Variants in NLRP2 observed in about 807,000 individuals in gnomAD.
NLRP2 encodes the protein NACHT, LRR and PYD domains-containing protein 2.
Under a neutral mutation model 97.2 loss-of-function variants are expected in NLRP2, and 107 were observed. The observed-to-expected ratio is 1.10, with a 90% CI of 0.94 to 1.29. NLRP2 has a LOEUF of 1.29. NLRP2 is among the 50% of genes most tolerant of loss of function. NLRP2 has a pLI of 0.00. For missense variants in NLRP2, 1,495 were observed against 1,330.3 expected, an observed-to-expected ratio of 1.12 and a Z score of -1.93; for synonymous variants, 663 against 551.5, an observed-to-expected ratio of 1.20 and a Z score of -2.83.
chr19:55,000,103 A>G (rs1484675253), intron 12 of NLRP2, among the ~76,000 whole-genome samples: 1 of 151,214 alleles, frequency 6.6e-6, no homozygotes, highest in East Asian at 2.0e-4. Flanking sequence ...ACATGGTAAA[A>G]CCCCAACTCT....
At chr19:54,993,610 C>T (rs770464902) in intron 10 of NLRP2, 17 of 159,288 alleles carry the variant, frequency 1.1e-4, no homozygotes, top group African/African-American at 2.7e-4. Context: ...TTAGGGAGGC[C>T]AGGGTGGGCA....
Position 55,001,086 on chromosome 19 carries a change from A to G in NLRP2, c.*188A>G, listed in dbSNP as rs1255060487. On this transcript the variant is annotated 3_prime_UTR_variant, in exon 13 of 13. Coordinates refer to ENST00000448584, the MANE Select transcript of NLRP2 (RefSeq NM_017852.5). ...ACATCCTTATCTTTGTTACATATGA[A>G]ATATCTGTATCACGGGTATATTGAG... is the stretch of plus-strand genomic sequence containing the variant. 1 of 582,348 alleles carries G rather than the reference A, an allele frequency of 1.7e-6. No homozygotes were observed. Among genetic ancestry groups the G allele is most frequent in the South Asian group, 2.0e-5 (1 of 49,576 alleles). 36.1% of individuals were successfully genotyped at this position (582,348 alleles called of 1,614,324 possible).
At chr19:55,000,396 C>T (rs2073114836) in intron 12 of NLRP2, among the ~76,000 whole-genome samples, 2 of 145,998 alleles carry the variant, frequency 1.4e-5, no homozygotes, top group Non-Finnish European at 3.0e-5. Flanking sequence ...CCTGCCTCAG[C>T]CTCCTGAGTA....
chr19:54,988,624 C>T (rs2072253477), intron 8 of NLRP2, among the ~76,000 whole-genome samples: 1 of 152,056 alleles, frequency 6.6e-6, no homozygotes, highest in South Asian at 2.1e-4. Context: ...AACTCCTGAC[C>T]TCAAGTGACA....
rs190845919 is a variant in NLRP2 at position 54,977,606 on chromosome 19, T to C, written c.326-146T>C. ...CCTGGGATCATGGCCTAATGTACTT[T>C]CACTTTTACATCCAGTACCTTATCA... On this transcript the variant is annotated intron_variant, in intron 3 of 12. Transcript: ENST00000448584. The C allele has an allele frequency of 5.4e-3, 4,295 of 792,694 alleles. 34 individuals carry two copies. Among genetic ancestry groups the C allele is most frequent in the South Asian group, 0.01 (749 of 72,756 alleles). The allele number at this position is 792,694 out of a possible 1,614,324, so 49.1% of individuals were successfully genotyped here.
At position 54,977,759 on chromosome 19, in the gene NLRP2, A is replaced by C; in HGVS notation, c.333A>C (p.Thr111=). The C allele has an allele frequency of 1.2e-6, 2 of 1,613,798 alleles. No homozygotes were observed. The highest frequency in any genetic ancestry group is 4.5e-5 in the East Asian group (2 of 44,866). Residue 111 remains threonine (T), a synonymous_variant, in exon 4 of 13, where the codon ACA becomes ACC. Transcript: ENST00000448584. The part of the protein sequence containing the change: ...NKRKPLSLGI[T]RKERPPLDVD... ...GCCGCCCTTTTTCTCCAGGGATAAC[A>C]CGGAAAGAACGACCACCTCTAGACG...
At chr19:54,969,869 C>CT (rs1316351658) in intron 1 of NLRP2, 130 bp from the exon 2 acceptor site, 15 of 889,090 alleles carry the variant, frequency 1.7e-5, no homozygotes, top group African/African-American at 3.3e-5. Flanking sequence ...GTTGCCCAGG[C>CT]TGGGAGTTTG....
At chr19:54,988,084 C>G (rs747917218) in intron 8 of NLRP2, among the ~76,000 whole-genome samples, 6 of 152,114 alleles carry the variant, frequency 3.9e-5, no homozygotes, top group Non-Finnish European at 7.4e-5. Context: ...TCTACTGATA[C>G]AATCTTAGGC....
intron 2 of NLRP2, among the ~76,000 whole-genome samples, chr19:54,971,880 AT>A (rs1411696203): frequency 6.7e-6 from 1 of 150,354 alleles, no homozygotes; most frequent in Non-Finnish European, 1.5e-5. Context: ...CCAGGCTGGA[AT>A]TTAGCAGCAC....
Position 54,990,650 on chromosome 19 carries a change from G to A in NLRP2, c.2686G>A (p.Glu896Lys), listed in dbSNP as rs990334364. Reference sequence around the variant, plus strand: ...TCTGTGTGAGGGCTTGAGGTACCCCGAGTGTAAACTGCAGACCTTGGTGTA... The same window carrying A: ...TCTGTGTGAGGGCTTGAGGTACCCCAAGTGTAAACTGCAGACCTTGGTGTA... ...KFLCEGLRYP[E>K]CKLQTLVLWN... Residue 896 changes from glutamate (E) to lysine (K), a missense_variant, in exon 10 of 13, where the codon GAG (glutamate) becomes AAG (lysine). Coordinates refer to ENST00000448584, the MANE Select transcript of NLRP2 (RefSeq NM_017852.5). The A allele has an allele frequency of 3.7e-6, 6 of 1,614,024 alleles. No homozygotes were observed. The highest frequency in any genetic ancestry group is 3.4e-6 in the Non-Finnish European group (4 of 1,180,042).
intron 6 of NLRP2, among the ~76,000 whole-genome samples, chr19:54,984,778 C>T (rs1288228185): frequency 3.3e-5 from 5 of 152,084 alleles, no homozygotes; most frequent in South Asian, 4.2e-4. Flanking sequence ...TCACCGTGCC[C>T]GGTCTATATT....
At position 54,985,069 on chromosome 19, in the gene NLRP2, C is replaced by A. The variant is rs2071960198; in HGVS notation, c.2053C>A (p.Leu685Ile). ...TAGATCCCAGGATGATCAGCACATGCTTCCTTTCTGGACGGACCTTTGTTC... is the reference window on the plus strand; with the variant it reads ...TAGATCCCAGGATGATCAGCACATGATTCCTTTCTGGACGGACCTTTGTTC... ...VERSQDDQHM[L>I]PFWTDLCSIF... Residue 685 changes from leucine to isoleucine, a missense_variant, in exon 7 of 13, where the codon CTT becomes ATT. By Grantham distance (5) the Leu-to-Ile change is conservative. Coordinates refer to ENST00000448584, the MANE Select transcript of NLRP2 (RefSeq NM_017852.5). 6.2e-7 allele frequency: 1 copy of A among 1,613,986 alleles called. No individual in the cohort carries two copies. Among genetic ancestry groups the A allele is most frequent in the South Asian group, 1.1e-5 (1 of 91,084 alleles).
intron 1 of NLRP2, among the ~76,000 whole-genome samples, chr19:54,969,327 A>G (rs933145073): frequency 6.6e-6 from 1 of 152,004 alleles, no homozygotes; most frequent in African/African-American, 2.4e-5. Context: ...AATACAAAAA[A>G]ATTAGCTGGG....
intron 10 of NLRP2, chr19:54,990,902 T>TC (rs1018213124): frequency 2.6e-5 from 15 of 585,332 alleles, no homozygotes; most frequent in African/African-American, 2.1e-4. Context: ...GTTTTCGGGT[T>TC]TTTTTTTTCC....
Position 54,982,521 on chromosome 19 carries a change from C to T in NLRP2, c.823C>T (p.His275Tyr), listed in dbSNP as rs138041237. The T allele has an allele frequency of 9.9e-5, 160 of 1,614,214 alleles. 1 individual carries two copies. Among genetic ancestry groups the T allele is most frequent in the Non-Finnish European group, 1.2e-4 (146 of 1,180,054 alleles). Residue 275 changes from histidine to tyrosine, a missense_variant, in exon 6 of 13, where the codon CAC (histidine) becomes TAC (tyrosine). By Grantham distance (83) the His-to-Tyr change is moderately conservative. Transcript: ENST00000448584. ...GCCTGAATTGCAGGATGACATTCCACACATCCTAGCCCAAGCACGGAAAAT... is the reference window on the plus strand; with the variant it reads ...GCCTGAATTGCAGGATGACATTCCATACATCCTAGCCCAAGCACGGAAAAT... ...DWPELQDDIPHILAQARKILF... is the reference protein window; with the variant it reads ...DWPELQDDIPYILAQARKILF...
Position 54,982,926 on chromosome 19 carries a change from C to G in NLRP2, c.1228C>G (p.Leu410Val). Residue 410 changes from leucine to valine, a missense_variant, in exon 6 of 13, where the codon CTG becomes GTG. Leu to Val is a conservative substitution (Grantham distance 32). Transcript: ENST00000448584. ...VCWIVCTTLKLQMEKGEDPVP... is the reference protein window; with the variant it reads ...VCWIVCTTLKVQMEKGEDPVP... ...CTGGATCGTGTGCACGACTCTGAAG[C>G]TGCAGATGGAGAAGGGGGAGGACCC... The G allele has an allele frequency of 6.2e-7, 1 of 1,613,054 alleles. No individual in the cohort carries two copies. Among genetic ancestry groups the G allele is most frequent in the East Asian group, 2.2e-5 (1 of 44,856 alleles).
Position 54,981,687 on chromosome 19 carries a change from G to A in NLRP2, c.463+5G>A. ...TCTTTAAAGGAAAAAAGCCAGGTCTGTACCATATCTTCCTGCAGGGAGCTT... is the reference window on the plus strand; with the variant it reads ...TCTTTAAAGGAAAAAAGCCAGGTCTATACCATATCTTCCTGCAGGGAGCTT... On this transcript the variant is annotated splice_donor_5th_base_variant and intron_variant, in intron 5 of 12. Transcript: ENST00000448584. The A allele has an allele frequency of 6.7e-7, 1 of 1,490,112 alleles. No homozygotes were observed. Among genetic ancestry groups the A allele is most frequent in the South Asian group, 1.1e-5 (1 of 88,604 alleles). The allele number at this position is 1,490,112 out of a possible 1,614,324, so 92.3% of individuals were successfully genotyped here. A position where few individuals can be genotyped will look rare whatever the true frequency, so the allele number is the denominator to read the frequency against.
rs1266419723 is a variant in NLRP2 at position 54,983,228 on chromosome 19, C to T, written c.1530C>T (p.Leu510=). Reference sequence around the variant, plus strand: ...TCCACCTCAGCTTCCAGCAGTTTCTCACTGCCCTGTTCTACACCCTGGAGA... The same window carrying T: ...TCCACCTCAGCTTCCAGCAGTTTCTTACTGCCCTGTTCTACACCCTGGAGA... ...SFIHLSFQQF[L]TALFYTLEKE... The change falls in exon 6 of 13, where the codon CTC becomes CTT. Residue 510 remains leucine, a synonymous_variant. Coordinates refer to ENST00000448584, the MANE Select transcript of NLRP2 (RefSeq NM_017852.5). 2 of 1,614,072 alleles carry T rather than the reference C, an allele frequency of 1.2e-6. No individual in the cohort carries two copies. The highest frequency in any genetic ancestry group is 1.7e-5 in the Admixed American group (1 of 59,996).
intron 10 of NLRP2, chr19:54,993,344 C>CCT (rs1412763027): frequency 6.6e-6 from 1 of 152,070 alleles, no homozygotes; most frequent in African/African-American, 2.4e-5. Flanking sequence ...GTCCTGTGTC[C>CCT]CTCAGCTAGT....
Sources: allele counts gnomAD v4.1 joint callset (sites outside exome capture counted in the v4.1 genomes callset), GRCh38; gene constraint gnomAD v4.1.1; transcripts MANE v1.5; gene names NCBI Gene and HGNC (gene_info 2026-07-23, HGNC 2026-07-21).